Variants in CNTN4 observed in about 807,000 individuals in gnomAD.
CNTN4 encodes contactin-4.
Under a neutral mutation model 122.5 loss-of-function variants are expected in CNTN4, and 77 were observed. The observed-to-expected ratio is 0.63, with a 90% confidence interval of 0.52 to 0.76. The LOEUF is 0.76. Ranked by LOEUF, CNTN4 falls within the 30% of genes least tolerant of loss-of-function variation. The pLI, the probability that CNTN4 is intolerant of heterozygous loss-of-function variation, is 0.00. For missense variants in CNTN4, 1,256 were observed against 1,259.1 expected (o/e 1.00, Z 0.04); for synonymous variants, 512 against 447.0 (o/e 1.15, Z -1.83).
chr3:2,194,846 A>G (rs1308865002), intron 2 of CNTN4, among the ~76,000 whole-genome samples: 10 of 152,204 alleles, frequency 6.6e-5, no homozygotes, highest in African/African-American at 2.2e-4. Context: ...TAGAGGGAGC[A>G]TGGCCCTGCT....
chr3:2,766,930 T>C (rs2090887368), intron 6 of CNTN4, among the ~76,000 whole-genome samples: 2 of 151,804 alleles, frequency 1.3e-5, no homozygotes, highest in South Asian at 4.2e-4. Context: ...AAGCTAAAGG[T>C]GGAAAGTGAG....
intron 3 of CNTN4, among the ~76,000 whole-genome samples, chr3:2,341,830 CATA>C (rs1194615618): frequency 1.3e-5 from 2 of 152,120 alleles, no homozygotes; most frequent in Admixed American, 6.5e-5. Context: ...TAAAAGAAAT[CATA>C]ATAACTTTCT....
chr3:2,263,917 CCT>C (rs1291548679), intron 2 of CNTN4, among the ~76,000 whole-genome samples: 1 of 140,020 alleles, frequency 7.1e-6, no homozygotes, highest in Non-Finnish European at 1.6e-5. Flanking sequence ...AACATAATGA[CCT>C]CCAGTTGAGC....
chr3:2,540,022 A>G (rs2077969617), intron 3 of CNTN4, among the ~76,000 whole-genome samples: 1 of 152,024 alleles, frequency 6.6e-6, no homozygotes, highest in Non-Finnish European at 1.5e-5. Context: ...TATTAAAATG[A>G]AAATGGCAGA....
In CNTN4 at chr3:2,973,122, C is replaced by A. The variant is rs79921442; in HGVS notation, c.1359-15223C>A. Among the ~76,000 whole-genome samples the A allele has an allele frequency of 1.9e-3, 286 of 152,112 alleles. 3 individuals are homozygous for A. Among genetic ancestry groups the A allele is most frequent in the African/African-American group, 6.6e-3 (274 of 41,428 alleles). On this transcript the variant is annotated intron_variant, in intron 13 of 24. Coordinates refer to ENST00000418658, the MANE Select transcript of CNTN4 (RefSeq NM_175607.3). ...GGTTTGTCTGAAAAGAATAAAGGCT[C>A]TTCGTTGAAATGAAATCGCTTTCTT...
intron 2 of CNTN4, among the ~76,000 whole-genome samples, chr3:2,103,903 G>A (rs930115263): frequency 6.6e-6 from 1 of 152,054 alleles, no homozygotes; most frequent in African/African-American, 2.4e-5. Context: ...TAGAGTTTTG[G>A]TTCCCAGTGG....
intron 14 of CNTN4, among the ~76,000 whole-genome samples, chr3:3,004,290 T>G (rs999034353): frequency 2.6e-5 from 4 of 152,148 alleles, no homozygotes; most frequent in Admixed American, 1.3e-4. Flanking sequence ...CTCAGTTACT[T>G]TGGTGTTTTT....
In CNTN4 at chr3:2,177,701, G is replaced by A. The variant is rs1387386534; in HGVS notation, c.-145+77062G>A. ...GTGTGTGTGTGTGTGTGTATCTCCA[G>A]GAAACTTCAGTTTTTACATTTAAGG... On this transcript the variant is annotated intron_variant, in intron 2 of 24. Coordinates refer to ENST00000418658, the MANE Select transcript of CNTN4 (RefSeq NM_175607.3). Among the ~76,000 whole-genome samples the A allele has an allele frequency of 4.9e-5, 7 of 141,870 alleles. No individual in the cohort carries two copies. In the South Asian group the frequency reaches 1.2e-3, roughly 23 times the overall value. 93.1% of individuals were successfully genotyped at this position (141,870 alleles called of 152,430 possible). A position where few individuals can be genotyped will look rare whatever the true frequency, so the allele number is the denominator to read the frequency against.
chr3:2,567,927 C>G (rs558640384), intron 3 of CNTN4, among the ~76,000 whole-genome samples: 2 of 152,252 alleles, frequency 1.3e-5, no homozygotes. Flanking sequence ...AATAAACTTA[C>G]TGCACACATT....
chr3:2,760,888 C>T (rs2090561192), intron 6 of CNTN4, among the ~76,000 whole-genome samples: 1 of 152,180 alleles, frequency 6.6e-6, no homozygotes, highest in Admixed American at 6.5e-5. Flanking sequence ...CAAACAACCA[C>T]TCAAACAAGA....
At chr3:2,623,945 A>G (rs1262338531) in intron 4 of CNTN4, among the ~76,000 whole-genome samples, 1 of 152,180 alleles carries the variant, frequency 6.6e-6, no homozygotes, top group Non-Finnish European at 1.5e-5. Flanking sequence ...ATTTACTGAA[A>G]TTTAGCTGTT....
chr3:2,287,154 A>G (rs1464094805), intron 2 of CNTN4, among the ~76,000 whole-genome samples: 1 of 152,122 alleles, frequency 6.6e-6, no homozygotes, highest in Non-Finnish European at 1.5e-5. Context: ...TAAGTTTTAC[A>G]CTCATTTTCA....
chr3:2,755,544 A>G (rs2090297065), intron 6 of CNTN4, among the ~76,000 whole-genome samples: 1 of 152,224 alleles, frequency 6.6e-6, no homozygotes, highest in Non-Finnish European at 1.5e-5. Flanking sequence ...ACAGAAAGAC[A>G]TTAATGGTGA....
chr3:3,016,307 A>T (rs1697752561), intron 14 of CNTN4, among the ~76,000 whole-genome samples: 1 of 152,190 alleles, frequency 6.6e-6, no homozygotes. Flanking sequence ...CAAATTTAAC[A>T]TATACCCCCC....
chr3:2,254,512 G>A (rs539044358), intron 2 of CNTN4, among the ~76,000 whole-genome samples: 2 of 152,270 alleles, frequency 1.3e-5, no homozygotes, highest in Admixed American at 6.5e-5. Context: ...CACTAACAGT[G>A]TAAAAGCATT....
At chr3:2,354,493 T>A (rs1444883626) in intron 3 of CNTN4, among the ~76,000 whole-genome samples, 3 of 152,122 alleles carry the variant, frequency 2.0e-5, no homozygotes. Context: ...ATCGCACCAC[T>A]GCACTGCAGC....
intron 6 of CNTN4, among the ~76,000 whole-genome samples, chr3:2,792,767 G>A (rs1183628239): frequency 6.6e-6 from 1 of 152,122 alleles, no homozygotes; most frequent in Non-Finnish European, 1.5e-5. Context: ...GAATAGGGTG[G>A]GAGAGAGAAA....
chr3:2,369,944 C>T (rs1404809032), intron 3 of CNTN4, among the ~76,000 whole-genome samples: 1 of 152,040 alleles, frequency 6.6e-6, no homozygotes. Context: ...CGTTTTGATA[C>T]ACAATTGTCC....
chr3:2,591,962 C>T (rs2080515269), intron 4 of CNTN4, among the ~76,000 whole-genome samples: 1 of 152,066 alleles, frequency 6.6e-6, no homozygotes, highest in South Asian at 2.1e-4. Flanking sequence ...ACTGAAACCT[C>T]AAACTCCTGG....
Sources: allele counts gnomAD v4.1 joint callset (sites outside exome capture counted in the v4.1 genomes callset), GRCh38; gene constraint gnomAD v4.1.1; transcripts MANE v1.5; gene names NCBI Gene and HGNC (gene_info 2026-07-23, HGNC 2026-07-21).